NKAIN2: variants seen among roughly 807,000 people sequenced by gnomAD.
NKAIN2 encodes the protein sodium/potassium transporting ATPase interacting 2.
NKAIN2 carries 14 observed loss-of-function variants against 32.6 expected under a neutral mutation model. The ratio of observed to expected loss-of-function variants is 0.43; its 90% CI spans 0.28 to 0.67. NKAIN2 has a LOEUF of 0.67. Ranked by LOEUF, NKAIN2 falls within the 30% of genes least tolerant of loss-of-function variation. The pLI is 0.17. For synonymous variants in NKAIN2, 80 were observed against 87.2 expected (o/e 0.92, Z 0.46); for missense variants, 198 against 258.3 (o/e 0.77, Z 1.60).
At chr6:124,312,672 T>C (rs1331970097) in intron 2 of NKAIN2, among the ~76,000 whole-genome samples, 2 of 152,186 alleles carry the variant, frequency 1.3e-5, no homozygotes, top group African/African-American at 4.8e-5. Flanking sequence ...TCCTCTTCGG[T>C]CTTTTATGGA....
At chr6:124,691,182 A>T (rs60490958) in intron 4 of NKAIN2, among the ~76,000 whole-genome samples, 1 of 152,074 alleles carries the variant, frequency 6.6e-6, no homozygotes, top group East Asian at 1.9e-4. Context: ...TTATTTTCCT[A>T]TGCCACATTT....
chr6:123,880,779 C>T (rs564702081), intron 1 of NKAIN2, among the ~76,000 whole-genome samples: 19 of 152,150 alleles, frequency 1.2e-4, no homozygotes, highest in Admixed American at 6.5e-4. Flanking sequence ...GGTTTTCAGA[C>T]CGTATAACCA....
intron 1 of NKAIN2, among the ~76,000 whole-genome samples, chr6:124,139,079 A>ATTTTTTT (rs900247440): frequency 0.14 from 14,271 of 98,902 alleles, 1,897 homozygotes; most frequent in East Asian, 0.36. Flanking sequence ...TTAAATAAAA[A>ATTTTTTT]TTTTTTTTTT....
chr6:123,959,954 TG>T (rs1777772750), intron 1 of NKAIN2, among the ~76,000 whole-genome samples: 1 of 151,534 alleles, frequency 6.6e-6, no homozygotes, highest in Admixed American at 6.6e-5. Flanking sequence ...TGTGTGTGTG[TG>T]TGTGTGTGTG....
intron 3 of NKAIN2, among the ~76,000 whole-genome samples, chr6:124,551,644 T>G (rs1005629777): frequency 7.9e-5 from 12 of 152,320 alleles, no homozygotes; most frequent in African/African-American, 2.9e-4. Flanking sequence ...CAAAGTGAGC[T>G]TCCACAAGGT....
chr6:124,071,965 C>T (rs1783487736), intron 1 of NKAIN2, among the ~76,000 whole-genome samples: 1 of 152,050 alleles, frequency 6.6e-6, no homozygotes, highest in Non-Finnish European at 1.5e-5. Context: ...GTAGCAATAC[C>T]ATTATTGGAT....
At position 124,407,852 on chromosome 6, in the gene NKAIN2, C is replaced by G. The variant is rs900956033; in HGVS notation, c.273+52505C>G. ...TCCTATTTCTCCACATCCTCTCCAG[C>G]ACCTGTTGTTTCCTGACTTTTTAAT... On this transcript the variant is annotated intron_variant, in intron 3 of 6. Coordinates refer to ENST00000368417, the MANE Select transcript of NKAIN2 (RefSeq NM_001040214.3). Among the ~76,000 whole-genome samples, 7 of 149,086 alleles carry G rather than the reference C, an allele frequency of 4.7e-5. No homozygotes were observed. In the East Asian group the frequency reaches 9.9e-4, roughly 21 times the overall value.
chr6:124,651,689 G>A (rs934793344), intron 3 of NKAIN2, among the ~76,000 whole-genome samples: 1 of 152,126 alleles, frequency 6.6e-6, no homozygotes, highest in Non-Finnish European at 1.5e-5. Context: ...GGGAACAGAG[G>A]CCCAAAGTGG....
chr6:123,807,698 G>A (rs987719841), intron 1 of NKAIN2, among the ~76,000 whole-genome samples: 5 of 152,040 alleles, frequency 3.3e-5, no homozygotes, highest in African/African-American at 9.7e-5. Context: ...TGAAAGGACA[G>A]ATTTGTTTTC....
intron 1 of NKAIN2, among the ~76,000 whole-genome samples, chr6:123,859,413 C>T (rs1775692508): frequency 1.3e-5 from 2 of 151,954 alleles, no homozygotes; most frequent in African/African-American, 4.8e-5. Context: ...TTTCTGTTCC[C>T]TCCACAGTGT....
intron 1 of NKAIN2, among the ~76,000 whole-genome samples, chr6:124,062,354 C>T (rs1782953392): frequency 6.6e-6 from 1 of 152,104 alleles, no homozygotes; most frequent in Non-Finnish European, 1.5e-5. Flanking sequence ...TGCGCATTTG[C>T]TTATGTCTCA....
At chr6:123,854,567 C>T (rs1313466771) in intron 1 of NKAIN2, among the ~76,000 whole-genome samples, 1 of 152,038 alleles carries the variant, frequency 6.6e-6, no homozygotes, top group Non-Finnish European at 1.5e-5. Context: ...TTTTATATGC[C>T]AGGTGCTGTG....
At chr6:124,638,156 T>C (rs1211878564) in intron 3 of NKAIN2, among the ~76,000 whole-genome samples, 2 of 152,106 alleles carry the variant, frequency 1.3e-5, no homozygotes, top group African/African-American at 2.4e-5. Flanking sequence ...AGAACATACA[T>C]TGGAGAAAGA....
chr6:124,587,851 A>G (rs1361433376), intron 3 of NKAIN2, among the ~76,000 whole-genome samples: 1 of 152,208 alleles, frequency 6.6e-6, no homozygotes, highest in Non-Finnish European at 1.5e-5. Context: ...TGGGAAAGAA[A>G]ATGTGTCTGC....
At chr6:124,307,261 T>A (rs568949197) in intron 2 of NKAIN2, among the ~76,000 whole-genome samples, 203 of 152,294 alleles carry the variant, frequency 1.3e-3, no homozygotes, top group African/African-American at 4.5e-3. Flanking sequence ...TTTTAACAAT[T>A]CACTAGTAAA....
chr6:124,637,891 C>T (rs1366030987), intron 3 of NKAIN2, among the ~76,000 whole-genome samples: 1 of 152,102 alleles, frequency 6.6e-6, no homozygotes, highest in Admixed American at 6.5e-5. Context: ...TGACATTCTT[C>T]AAACAGCAAA....
intron 1 of NKAIN2, among the ~76,000 whole-genome samples, chr6:124,056,309 A>G (rs554936314): frequency 3.3e-5 from 5 of 151,804 alleles, no homozygotes; most frequent in Non-Finnish European, 5.9e-5. Flanking sequence ...ATAAAGCTAT[A>G]TATCTTGCTT....
chr6:124,435,129 T>C (rs1441112898), intron 3 of NKAIN2, among the ~76,000 whole-genome samples: 1 of 152,086 alleles, frequency 6.6e-6, no homozygotes, highest in African/African-American at 2.4e-5. Flanking sequence ...TCAAAGACAT[T>C]TTTCTGAGGC....
intron 3 of NKAIN2, among the ~76,000 whole-genome samples, chr6:124,651,979 A>G (rs1392781436): frequency 6.6e-6 from 1 of 152,166 alleles, no homozygotes; most frequent in Non-Finnish European, 1.5e-5. Flanking sequence ...TTAAATCCCT[A>G]AGTGTGTTTC....
Sources: gnomAD v4.1 joint callset for allele counts (sites outside exome capture counted in the v4.1 genomes callset) on GRCh38, gnomAD v4.1.1 for gene constraint, MANE v1.5 for transcripts, NCBI Gene and HGNC (gene_info 2026-07-23, HGNC 2026-07-21) for gene names.